MLLT1: variants seen among roughly 807,000 people sequenced by gnomAD.
MLLT1 encodes MLLT1 super elongation complex subunit.
MLLT1 carries 11 observed loss-of-function variants against 55.1 expected under a neutral mutation model. That is an observed-to-expected ratio of 0.20 (90% CI 0.13 to 0.33). The LOEUF (loss-of-function observed/expected upper bound fraction) is 0.33. MLLT1 is among the 10% of genes least tolerant of loss of function. MLLT1 has a pLI of 1.00. For missense variants in MLLT1, 536 were observed against 760.6 expected, an observed-to-expected ratio of 0.70 and a Z score of 3.47; for synonymous variants, 323 against 320.1, an observed-to-expected ratio of 1.01 and a Z score of -0.10.
In MLLT1 at chr19:6,223,011, C is replaced by T. The variant is rs111335261; in HGVS notation, c.547-327G>A. On this transcript the variant is annotated intron_variant, in intron 5 of 11. Transcript: ENST00000252674. ...CATGGCCACTTCGCCCGCACCCGCC[C>T]GCCCTAACACCTCACAGCTGGGCCT... Among the ~76,000 whole-genome samples the T allele has an allele frequency of 2.8e-3, 419 of 152,328 alleles. 2 individuals carry two copies. The highest frequency in any genetic ancestry group is 9.4e-3 in the African/African-American group (389 of 41,570).
At position 6,226,769 on chromosome 19, in the gene MLLT1, C is replaced by T. The variant is rs575181746; in HGVS notation, c.546+208G>A. The stretch of plus-strand genomic sequence containing the variant: ...GTCTCTGGCCTCAAGATGAACAGGG[C>T]AAAGAGCCCATGATCACGGGCTTAT... On this transcript the variant is annotated intron_variant, in intron 5 of 11. Coordinates refer to ENST00000252674, the MANE Select transcript of MLLT1 (RefSeq NM_005934.4). This position sits in a 1 kb window ranked among gnomAD's most constrained non-coding sequence, Gnocchi z 6.3. 6.6e-6 allele frequency among the ~76,000 whole-genome samples: 1 copy of T among 152,260 alleles called. No homozygotes were observed. Among genetic ancestry groups the T allele is most frequent in the South Asian group, 2.1e-4 (1 of 4,830 alleles).
At chr19:6,257,045 C>T (rs775147378) in intron 3 of MLLT1, among the ~76,000 whole-genome samples, 4 of 152,214 alleles carry the variant, frequency 2.6e-5, no homozygotes, top group Non-Finnish European at 5.9e-5. Flanking sequence ...AATGGATCAA[C>T]TCTCTACGTA....
rs1392083841 is a variant in MLLT1 at position 6,270,889 on chromosome 19, C to A, written c.13-130G>T. 4.6e-6 allele frequency: 4 copies of A among 860,932 alleles called. No individual in the cohort carries two copies. The highest frequency in any genetic ancestry group is 6.9e-6 in the Non-Finnish European group (4 of 580,642). The allele number at this position is 860,932 out of a possible 1,614,324, so 53.3% of individuals were successfully genotyped here. ...TACGCTCTCAACCCAGTGAGCAGCA[C>A]ACAGACGGCTTCCTATCGCGCCAGC... On this transcript the variant is annotated intron_variant, in intron 1 of 11. Coordinates refer to ENST00000252674, the MANE Select transcript of MLLT1 (RefSeq NM_005934.4). This position sits in a 1 kb window ranked among gnomAD's most constrained non-coding sequence, Gnocchi z 7.1.
intron 3 of MLLT1, among the ~76,000 whole-genome samples, chr19:6,260,526 G>A (rs1033895652): frequency 1.9e-4 from 29 of 152,248 alleles, no homozygotes; most frequent in African/African-American, 6.8e-4. Flanking sequence ...CACTGGCCAG[G>A]CCCTGCCCCA....
At position 6,231,656 on chromosome 19, in the gene MLLT1, C is replaced by A. The variant is rs1324198484; in HGVS notation, c.277-943G>T. Among the ~76,000 whole-genome samples the A allele has an allele frequency of 6.6e-6, 1 of 152,054 alleles. No homozygotes were observed. Among genetic ancestry groups the A allele is most frequent in the East Asian group, 1.9e-4 (1 of 5,144 alleles). ...AGCTGGGACTACAGGCGCCCGCCAC[C>A]ACGTCTGGCTAATTTTTTGTATTTT... On this transcript the variant is annotated intron_variant, in intron 3 of 11. Transcript: ENST00000252674. This position sits in a 1 kb window ranked among gnomAD's most constrained non-coding sequence, Gnocchi z 5.1.
rs1037522747 is a variant in MLLT1, at chr19:6,211,866, G to A, written c.*1176C>T. The A allele has an allele frequency of 8.7e-5, 93 of 1,064,234 alleles. No homozygotes were observed. The highest frequency in any genetic ancestry group is 5.9e-4 in the African/African-American group (36 of 61,090). The allele number at this position is 1,064,234 out of a possible 1,614,324, so 65.9% of individuals were successfully genotyped here. ...GCATACCAGGAGTGGGGCTGCGGGC[G>A]CGGCACCAGCATGAATTGCGGCGGT... On this transcript the variant is annotated 3_prime_UTR_variant, in exon 12 of 12. Transcript: ENST00000252674. This position sits in a 1 kb window ranked among gnomAD's most constrained non-coding sequence, Gnocchi z 4.6.
At chr19:6,228,035 G>A (rs369856365) in intron 4 of MLLT1, among the ~76,000 whole-genome samples, 5 of 152,226 alleles carry the variant, frequency 3.3e-5, no homozygotes, top group Non-Finnish European at 5.9e-5. Context: ...GATGTCATGC[G>A]GCCATGGGGA....
chr19:6,223,205 C>G (rs1157158329), intron 5 of MLLT1, among the ~76,000 whole-genome samples: 4 of 152,164 alleles, frequency 2.6e-5, no homozygotes, highest in African/African-American at 9.7e-5. Context: ...CGGCCCCTCT[C>G]CCCAGGACTC....
Position 6,262,425 on chromosome 19 carries a change from C to T in MLLT1, c.194-115G>A. On this transcript the variant is annotated intron_variant, in intron 2 of 11. Coordinates refer to ENST00000252674, the MANE Select transcript of MLLT1 (RefSeq NM_005934.4). This position sits in a 1 kb window ranked among gnomAD's most constrained non-coding sequence, Gnocchi z 4.4. ...CACCTCCTCACAGGGGCTTGGCTGG[C>T]CTCTCGGGGGTGGCTTTTCAGGAGG... 1.2e-6 allele frequency: 1 copy of T among 813,314 alleles called. No individual in the cohort carries two copies. Among genetic ancestry groups the T allele is most frequent in the Admixed American group, 2.5e-5 (1 of 39,288 alleles). The allele number at this position is 813,314 out of a possible 1,614,324, so 50.4% of individuals were successfully genotyped here.
rs1472075310 is a variant in MLLT1 at position 6,229,873 on chromosome 19, A to C, written c.420+697T>G. On this transcript the variant is annotated intron_variant, in intron 4 of 11. Coordinates refer to ENST00000252674, the MANE Select transcript of MLLT1 (RefSeq NM_005934.4). The surrounding 1 kb of genome is among the most constrained non-coding windows in gnomAD (Gnocchi z 5.2). ...TGACACACCACACACCGCACACGACACACAACACGCCACCCCAGCCCGCTC... is the reference window on the plus strand; with the variant it reads ...TGACACACCACACACCGCACACGACCCACAACACGCCACCCCAGCCCGCTC... Among the ~76,000 whole-genome samples, 3 of 151,992 alleles carry C rather than the reference A, an allele frequency of 2.0e-5. No homozygotes were observed. Among genetic ancestry groups the C allele is most frequent in the Non-Finnish European group, 2.9e-5 (2 of 67,986 alleles).
At chr19:6,261,485 C>T (rs944442363) in intron 3 of MLLT1, among the ~76,000 whole-genome samples, 1 of 152,130 alleles carries the variant, frequency 6.6e-6, no homozygotes, top group Non-Finnish European at 1.5e-5. Context: ...AGGGACACCT[C>T]CTTCCCCAGC....
At chr19:6,264,519 CA>C (rs2091330680) in intron 2 of MLLT1, among the ~76,000 whole-genome samples, 1 of 150,808 alleles carries the variant, frequency 6.6e-6, no homozygotes. Flanking sequence ...GAGAGTTTGA[CA>C]AAAAGAAAGA....
chr19:6,244,302 C>G (rs1459712502), intron 3 of MLLT1, among the ~76,000 whole-genome samples: 1 of 151,886 alleles, frequency 6.6e-6, no homozygotes, highest in African/African-American at 2.4e-5. Context: ...ATGAAGAAAT[C>G]CATGAAACTC....
Position 6,262,264 on chromosome 19 carries a change from G to C in MLLT1, c.240C>G (p.Gly80=). The change falls in exon 3 of 12, where the codon GGC becomes GGG. Residue 80 remains glycine, a synonymous_variant. Transcript: ENST00000252674. This position sits in a 1 kb window ranked among gnomAD's most constrained non-coding sequence, Gnocchi z 4.4. ...AGTGCACCTCGATGGGCATGATGAAGCCAGCGTACCCCGACTCCTCTACTT... is the reference window on the plus strand; with the variant it reads ...AGTGCACCTCGATGGGCATGATGAACCCAGCGTACCCCGACTCCTCTACTT... ...PYKVEESGYA[G]FIMPIEVHFK... 1.9e-6 allele frequency: 3 copies of C among 1,613,958 alleles called. No individual in the cohort carries two copies. Among genetic ancestry groups the C allele is most frequent in the Non-Finnish European group, 2.5e-6 (3 of 1,179,988 alleles).
At position 6,226,117 on chromosome 19, in the gene MLLT1, C is replaced by G. The variant is rs1210164487; in HGVS notation, c.546+860G>C. Reference sequence around the variant, plus strand: ...GTGAGTCTGTGAGGCAGCTGGAGAGCCCTGCCTGTCCTGCCTGGGATGGCT... The same window carrying G: ...GTGAGTCTGTGAGGCAGCTGGAGAGGCCTGCCTGTCCTGCCTGGGATGGCT... On this transcript the variant is annotated intron_variant, in intron 5 of 11. Transcript: ENST00000252674. This position sits in a 1 kb window ranked among gnomAD's most constrained non-coding sequence, Gnocchi z 6.3. Among the ~76,000 whole-genome samples, 1 of 152,216 alleles carries G rather than the reference C, an allele frequency of 6.6e-6. No individual in the cohort carries two copies. The highest frequency in any genetic ancestry group is 2.4e-5 in the African/African-American group (1 of 41,462).
chr19:6,267,433 G>T (rs2091357692), intron 2 of MLLT1, among the ~76,000 whole-genome samples: 1 of 150,990 alleles, frequency 6.6e-6, no homozygotes, highest in South Asian at 2.1e-4. Context: ...CAGAATAAAT[G>T]AAATGACTGA....
chr19:6,262,403 C>T lies in MLLT1; in HGVS notation c.194-93G>A, dbSNP rs2091313200. On this transcript the variant is annotated intron_variant, in intron 2 of 11. Transcript: ENST00000252674. The surrounding 1 kb of genome is among the most constrained non-coding windows in gnomAD (Gnocchi z 4.4). Reference sequence around the variant, plus strand: ...GTACCGCACCCCTCAACCCCACCACCTCCTCACAGGGGCTTGGCTGGCCTC... The same window carrying T: ...GTACCGCACCCCTCAACCCCACCACTTCCTCACAGGGGCTTGGCTGGCCTC... 9.4e-7 allele frequency: 1 copy of T among 1,061,634 alleles called. No homozygotes were observed. The highest frequency in any genetic ancestry group is 1.4e-6 in the Non-Finnish European group (1 of 707,766). The allele number at this position is 1,061,634 out of a possible 1,614,324, so 65.8% of individuals were successfully genotyped here. A position where few individuals can be genotyped will look rare whatever the true frequency, so the allele number is the denominator to read the frequency against.
In MLLT1 at chr19:6,212,455, G is replaced by T. The variant is rs1027586779; in HGVS notation, c.*587C>A. 6.5e-5 allele frequency: 69 copies of T among 1,066,212 alleles called. No homozygotes were observed. The highest frequency in any genetic ancestry group is 7.7e-5 in the Non-Finnish European group (68 of 879,982). 66.0% of individuals were successfully genotyped at this position (1,066,212 alleles called of 1,614,324 possible). A position where few individuals can be genotyped will look rare whatever the true frequency, so the allele number is the denominator to read the frequency against. On this transcript the variant is annotated 3_prime_UTR_variant, in exon 12 of 12. Coordinates refer to ENST00000252674, the MANE Select transcript of MLLT1 (RefSeq NM_005934.4). The stretch of plus-strand genomic sequence containing the variant: ...CACTGCTGCCACAGAAACGCACATG[G>T]ACACTGCTCTTGACCAGACAGTGCA...
Position 6,270,670 on chromosome 19 carries a change from C to T in MLLT1, c.102G>A (p.Val34=). ...CACATTGCTCGGGGCCGCGGACAAACACCATCCAGTCGTGAGTGAACCCCT... is the reference window on the plus strand; with the variant it reads ...CACATTGCTCGGGGCCGCGGACAAATACCATCCAGTCGTGAGTGAACCCCT... ...TTEGFTHDWM[V]FVRGPEQCDI... is the part of the protein sequence containing the mutation. Residue 34 remains valine, a synonymous_variant, in exon 2 of 12, where the codon GTG becomes GTA. Coordinates refer to ENST00000252674, the MANE Select transcript of MLLT1 (RefSeq NM_005934.4). This position sits in a 1 kb window ranked among gnomAD's most constrained non-coding sequence, Gnocchi z 7.1. The T allele has an allele frequency of 6.2e-7, 1 of 1,614,136 alleles. No individual in the cohort carries two copies. Among genetic ancestry groups the T allele is most frequent in the Non-Finnish European group, 8.5e-7 (1 of 1,180,020 alleles).
Sources: allele counts gnomAD v4.1 joint callset (sites outside exome capture counted in the v4.1 genomes callset), GRCh38; gene constraint gnomAD v4.1.1; non-coding constraint Gnocchi (gnomAD v3.1); transcripts MANE v1.5; gene names NCBI Gene and HGNC (gene_info 2026-07-23, HGNC 2026-07-21).